Variants in CCDC83 observed in about 807,000 individuals in gnomAD.
CCDC83 encodes the protein coiled-coil domain-containing protein 83.
A neutral mutation model predicts 50.1 loss-of-function variants in CCDC83; 54 were observed. The observed-to-expected ratio is 1.08, with a 90% CI of 0.87 to 1.35. The LOEUF (loss-of-function observed/expected upper bound fraction) is 1.35, where lower values mean the gene tolerates loss of function less well. Ranked by LOEUF, CCDC83 falls within the 40% of genes most tolerant of loss-of-function variation. The probability of loss-of-function intolerance (pLI) is 0.00; values close to 1 mark genes in which losing one functional copy is unlikely to be tolerated. For synonymous variants in CCDC83, 161 were observed against 153.3 expected (o/e 1.05, Z -0.37); for missense variants, 518 against 473.9 (o/e 1.09, Z -0.86).
intron 1 of CCDC83, among the ~76,000 whole-genome samples, chr11:85,859,853 A>G (rs574961317): frequency 2.2e-3 from 337 of 152,356 alleles, no homozygotes; most frequent in Non-Finnish European, 2.6e-3. Flanking sequence ...GCACAGCAAA[A>G]GAAACTATCA....
At chr11:85,893,930 G>T (rs997146404) in intron 5 of CCDC83, among the ~76,000 whole-genome samples, 4 of 152,060 alleles carry the variant, frequency 2.6e-5, no homozygotes, top group African/African-American at 9.7e-5. Context: ...GAGCTTGATA[G>T]TTACTTGTTG....
intron 1 of CCDC83, among the ~76,000 whole-genome samples, chr11:85,860,177 C>G (rs1239767164): frequency 6.6e-6 from 1 of 151,862 alleles, no homozygotes; most frequent in Non-Finnish European, 1.5e-5. Context: ...TGGCACGTGC[C>G]TGTAGTCCCA....
chr11:85,900,766 T>C (rs142162021), intron 7 of CCDC83, among the ~76,000 whole-genome samples: 3,144 of 152,254 alleles, frequency 0.021, 46 homozygotes, highest in Middle Eastern at 0.058. Context: ...CTTTTGTTAG[T>C]ATACTCAAAA....
At chr11:85,867,270 G>C (rs540688655) in intron 2 of CCDC83, among the ~76,000 whole-genome samples, 2 of 152,060 alleles carry the variant, frequency 1.3e-5, no homozygotes, top group East Asian at 3.9e-4. Flanking sequence ...GGCCTCAAGC[G>C]ATCCTCCTGC....
chr11:85,859,822 G>A (rs1220981684), intron 1 of CCDC83, among the ~76,000 whole-genome samples: 2 of 152,110 alleles, frequency 1.3e-5, no homozygotes, highest in African/African-American at 4.8e-5. Flanking sequence ...ATAGACAAGT[G>A]GGACTAATTA....
Position 85,865,056 on chromosome 11 carries a change from G to A in CCDC83, c.-28-40G>A, listed in dbSNP as rs999088734. 14 of 1,005,150 alleles carry A rather than the reference G, an allele frequency of 1.4e-5. No homozygotes were observed. The East Asian group carries it at 2.9e-4, about 20-fold the overall frequency. The allele number at this position is 1,005,150 out of a possible 1,614,324, so 62.3% of individuals were successfully genotyped here. On this transcript the variant is annotated intron_variant, in intron 1 of 10. Coordinates refer to ENST00000342404, the MANE Select transcript of CCDC83 (RefSeq NM_001286159.2). ...GAGTAAACAAAAGTAGGGAGGCAAA[G>A]ATGGAATTTTTCACTTTCGTATGTC...
At chr11:85,874,050 C>G (rs2093255458) in intron 3 of CCDC83, among the ~76,000 whole-genome samples, 2 of 152,174 alleles carry the variant, frequency 1.3e-5, no homozygotes, top group African/African-American at 4.8e-5. Flanking sequence ...GACTGTACAG[C>G]TTACTGCTGA....
intron 5 of CCDC83, among the ~76,000 whole-genome samples, chr11:85,891,602 A>AAAGTT: frequency 6.6e-6 from 1 of 152,182 alleles, no homozygotes; most frequent in Admixed American, 6.5e-5. Flanking sequence ...TTCTTTGTAC[A>AAAGTT]CTAACAGTGA....
intron 5 of CCDC83, among the ~76,000 whole-genome samples, chr11:85,894,579 A>T (rs2093364130): frequency 6.6e-6 from 1 of 152,106 alleles, no homozygotes; most frequent in African/African-American, 2.4e-5. Context: ...TTTCTTCCTC[A>T]TACACATCAC....
At position 85,919,602 on chromosome 11, in the gene CCDC83, C is replaced by A; in HGVS notation, c.*92C>A. 1.1e-6 allele frequency: 1 copy of A among 908,082 alleles called. No homozygotes were observed. The highest frequency in any genetic ancestry group is 1.7e-6 in the Non-Finnish European group (1 of 589,152). 56.3% of individuals were successfully genotyped at this position (908,082 alleles called of 1,614,324 possible). On this transcript the variant is annotated 3_prime_UTR_variant, in exon 11 of 11. Coordinates refer to ENST00000342404, the MANE Select transcript of CCDC83 (RefSeq NM_001286159.2). ...GTTGCCCATTTTACTTACACTTTGG[C>A]TCATTTTTAAACCAGCTGTTATTTC...
intron 5 of CCDC83, among the ~76,000 whole-genome samples, chr11:85,894,410 T>A (rs983304610): frequency 4.6e-5 from 7 of 152,138 alleles, no homozygotes; most frequent in South Asian, 2.1e-4. Context: ...ACAGAAGTAA[T>A]AAAACACAAC....
intron 2 of CCDC83, among the ~76,000 whole-genome samples, chr11:85,869,941 G>A (rs2093228035): frequency 6.6e-6 from 1 of 152,302 alleles, no homozygotes; most frequent in South Asian, 2.1e-4. Context: ...AAGCGGGCCA[G>A]TGAAGCTGCC....
chr11:85,903,997 T>C (rs2093414010), intron 7 of CCDC83, among the ~76,000 whole-genome samples: 1 of 151,420 alleles, frequency 6.6e-6, no homozygotes, highest in Non-Finnish European at 1.5e-5. Context: ...AAAAATTAAA[T>C]TTAAAAATTA....
At chr11:85,910,096 C>A (rs930202463) in intron 7 of CCDC83, among the ~76,000 whole-genome samples, 5 of 152,138 alleles carry the variant, frequency 3.3e-5, no homozygotes, top group Non-Finnish European at 7.3e-5. Context: ...TGTGTCTGCC[C>A]AGGGAGTCCC....
intron 7 of CCDC83, 51 bp downstream of exon 7, chr11:85,899,066 G>C (rs725459): frequency 0.27 from 368,130 of 1,353,600 alleles, 52,865 homozygotes; most frequent in African/African-American, 0.29. Flanking sequence ...ATTTTTTTAA[G>C]TGGAAATGAC....
At chr11:85,882,102 G>A (rs1395077009) in intron 3 of CCDC83, among the ~76,000 whole-genome samples, 23 of 151,664 alleles carry the variant, frequency 1.5e-4, no homozygotes. Context: ...GACCAGCATA[G>A]CAACATAGCA....
chr11:85,895,148 G>A (rs1283324779), intron 5 of CCDC83, 145 bp from the exon 6 acceptor site: 7 of 285,558 alleles, frequency 2.5e-5, no homozygotes, highest in African/African-American at 7.1e-5. Flanking sequence ...AATGCTACCC[G>A]AACAGATAAT....
chr11:85,895,465 G>C (rs762503420), intron 6 of CCDC83, 81 bp downstream of exon 6: 7 of 803,494 alleles, frequency 8.7e-6, no homozygotes, highest in Non-Finnish European at 1.4e-5. Flanking sequence ...TAGTGGTTAA[G>C]AACTTTGGAT....
At chr11:85,915,036 G>C (rs906661472) in intron 8 of CCDC83, among the ~76,000 whole-genome samples, 1 of 152,146 alleles carries the variant, frequency 6.6e-6, no homozygotes, top group African/African-American at 2.4e-5. Context: ...TTCCCACTGG[G>C]TCCCTCTCCC....
Sources: gnomAD v4.1 joint callset for allele counts (sites outside exome capture counted in the v4.1 genomes callset) on GRCh38, gnomAD v4.1.1 for gene constraint, MANE v1.5 for transcripts, NCBI Gene and HGNC (gene_info 2026-07-23, HGNC 2026-07-21) for gene names.